Variants in PITPNB observed in about 807,000 individuals in gnomAD.
PITPNB encodes phosphatidylinositol transfer protein beta, also known as phosphatidylinositol transfer protein beta isoform.
In PITPNB, 16 loss-of-function variants were observed where a neutral mutation model predicts 45.9. The ratio of observed to expected loss-of-function variants is 0.35; its 90% CI spans 0.24 to 0.53. The LOEUF is 0.53. Among genes scored for constraint, PITPNB ranks in the 20% least tolerant of loss-of-function variants. PITPNB has a pLI of 0.93. For missense variants in PITPNB, 188 were observed against 330.5 expected, an observed-to-expected ratio of 0.57 and a Z score of 3.34; for synonymous variants, 112 against 108.9, an observed-to-expected ratio of 1.03 and a Z score of -0.18.
intron 7 of PITPNB, among the ~76,000 whole-genome samples, chr22:27,885,860 T>A (rs1309441303): frequency 6.6e-6 from 1 of 152,262 alleles, no homozygotes; most frequent in Non-Finnish European, 1.5e-5. Flanking sequence ...CTCTCTGATC[T>A]ACCAAACCTT....
At chr22:27,914,176 A>G (rs936326312) in intron 2 of PITPNB, 141 bp downstream of exon 2, 2 of 652,354 alleles carry the variant, frequency 3.1e-6, no homozygotes, top group Non-Finnish European at 5.6e-6. Flanking sequence ...AATTCTTTGC[A>G]ATTATCATTC....
At chr22:27,913,624 G>A (rs556676639) in intron 2 of PITPNB, among the ~76,000 whole-genome samples, 1 of 152,302 alleles carries the variant, frequency 6.6e-6, no homozygotes, top group Admixed American at 6.5e-5. Context: ...ACAGTTGTGT[G>A]CTGTTCATAC....
intron 3 of PITPNB, among the ~76,000 whole-genome samples, chr22:27,908,929 A>G (rs1365988748): frequency 6.6e-6 from 1 of 152,200 alleles, no homozygotes; most frequent in Non-Finnish European, 1.5e-5. Flanking sequence ...TTAAGGTTCT[A>G]TAAAGAGATA....
intron 3 of PITPNB, among the ~76,000 whole-genome samples, chr22:27,906,584 G>T (rs1195117373): frequency 6.6e-6 from 1 of 152,166 alleles, no homozygotes; most frequent in Non-Finnish European, 1.5e-5. Context: ...GAGACATGTG[G>T]TAAGTTAAAC....
chr22:27,899,791 T>C (rs186910298), intron 3 of PITPNB, among the ~76,000 whole-genome samples: 3 of 152,224 alleles, frequency 2.0e-5, no homozygotes, highest in Admixed American at 2.0e-4. Context: ...GTGGGTGAGG[T>C]CTAATCAGGG....
intron 2 of PITPNB, among the ~76,000 whole-genome samples, chr22:27,913,580 A>G (rs1172270627): frequency 1.3e-5 from 2 of 152,232 alleles, no homozygotes; most frequent in Non-Finnish European, 1.5e-5. Context: ...ATATTTCTGT[A>G]TCATGTCCAG....
chr22:27,883,940 C>T (rs1330237883), intron 7 of PITPNB, among the ~76,000 whole-genome samples: 1 of 152,210 alleles, frequency 6.6e-6, no homozygotes, highest in Non-Finnish European at 1.5e-5. Flanking sequence ...TGATTATCAG[C>T]AGCCTCATGC....
chr22:27,855,561 C>G (rs1934148347), intron 10 of PITPNB, among the ~76,000 whole-genome samples: 1 of 152,188 alleles, frequency 6.6e-6, no homozygotes, highest in Non-Finnish European at 1.5e-5. Context: ...ACGAAATGAA[C>G]AGAAAACAAA....
intron 2 of PITPNB, among the ~76,000 whole-genome samples, chr22:27,912,983 C>CCAAA (rs1555892472): frequency 0.011 from 362 of 33,638 alleles, no homozygotes; most frequent in African/African-American, 0.04. Context: ...ACTCCATCTC[C>CCAAA]AAAAAAAAAA....
rs781672380 is a variant in PITPNB, at chr22:27,919,242, G to T, written c.-51C>A. On this transcript the variant is annotated 5_prime_UTR_variant, in exon 1 of 12. Transcript: ENST00000335272. ...CGCCGATACCACCGCCGCCGCCGCC[G>T]CTACCGCCTCTCACAGCGCCTGCGC... The T allele has an allele frequency of 5.3e-6, 8 of 1,510,672 alleles. No homozygotes were observed. The highest frequency in any genetic ancestry group is 7.3e-6 in the Non-Finnish European group (8 of 1,088,738). The allele number at this position is 1,510,672 out of a possible 1,614,324, so 93.6% of individuals were successfully genotyped here. A position where few individuals can be genotyped will look rare whatever the true frequency, so the allele number is the denominator to read the frequency against.
chr22:27,905,574 C>T (rs1935732262), intron 3 of PITPNB, among the ~76,000 whole-genome samples: 1 of 152,168 alleles, frequency 6.6e-6, no homozygotes, highest in Non-Finnish European at 1.5e-5. Flanking sequence ...GCAAATGACT[C>T]CTTTTGCTTA....
intron 11 of PITPNB, among the ~76,000 whole-genome samples, chr22:27,854,076 G>C (rs1934104740): frequency 2.0e-5 from 3 of 151,990 alleles, no homozygotes. Flanking sequence ...TTAAAGAGCA[G>C]GTAGCTCATG....
At chr22:27,884,959 C>T (rs1307115681) in intron 7 of PITPNB, among the ~76,000 whole-genome samples, 2 of 151,246 alleles carry the variant, frequency 1.3e-5, no homozygotes, top group East Asian at 1.9e-4. Flanking sequence ...AAGGCTGATA[C>T]AATCCTTTCT....
intron 2 of PITPNB, among the ~76,000 whole-genome samples, chr22:27,912,585 C>T (rs1935957966): frequency 1.3e-5 from 2 of 151,754 alleles, no homozygotes; most frequent in South Asian, 4.2e-4. Flanking sequence ...AATGGACTGA[C>T]ATTTCATGGC....
chr22:27,894,678 G>T, intron 6 of PITPNB, 40 bp from the exon 7 acceptor site: 1 of 1,172,754 alleles, frequency 8.5e-7, no homozygotes, highest in South Asian at 1.2e-5. Flanking sequence ...ACAAACTGTA[G>T]ATTATTCTAT....
chr22:27,875,068 G>A (rs1421972057), intron 7 of PITPNB, among the ~76,000 whole-genome samples: 1 of 152,226 alleles, frequency 6.6e-6, no homozygotes, highest in East Asian at 1.9e-4. Flanking sequence ...CATATGCCAT[G>A]TTAGTAATTC....
intron 3 of PITPNB, among the ~76,000 whole-genome samples, chr22:27,899,602 C>T (rs1377881869): frequency 1.3e-5 from 2 of 152,156 alleles, no homozygotes; most frequent in African/African-American, 2.4e-5. Context: ...GTATTACAGG[C>T]GTGAGCCACC....
intron 7 of PITPNB, among the ~76,000 whole-genome samples, chr22:27,891,482 G>A (rs1377014565): frequency 6.6e-6 from 1 of 152,148 alleles, no homozygotes; most frequent in Non-Finnish European, 1.5e-5. Flanking sequence ...ACTACACACT[G>A]GCTGTATGAT....
intron 7 of PITPNB, among the ~76,000 whole-genome samples, chr22:27,874,313 G>A (rs2146367379): frequency 6.6e-6 from 1 of 152,256 alleles, no homozygotes; most frequent in Non-Finnish European, 1.5e-5. Context: ...CTGGGTCTGT[G>A]GTGGACATCT....
Sources: allele counts gnomAD v4.1 joint callset (sites outside exome capture counted in the v4.1 genomes callset), GRCh38; gene constraint gnomAD v4.1.1; transcripts MANE v1.5; gene names NCBI Gene and HGNC (gene_info 2026-07-23, HGNC 2026-07-21).